SH3GLB1: variants seen among roughly 807,000 people sequenced by gnomAD.
SH3GLB1 encodes the protein endophilin-B1.
A neutral mutation model predicts 42.0 loss-of-function variants in SH3GLB1; 17 were observed. The ratio of observed to expected loss-of-function variants is 0.40; its 90% confidence interval spans 0.28 to 0.61. The LOEUF is 0.61. Ranked by LOEUF, SH3GLB1 falls within the 20% of genes least tolerant of loss-of-function variation. The pLI is 0.36. For missense variants in SH3GLB1, 355 were observed against 426.3 expected (o/e 0.83, Z 1.47); for synonymous variants, 132 against 146.6 (o/e 0.90, Z 0.72).
At chr1:86,734,792 A>T in intron 6 of SH3GLB1, 101 bp downstream of exon 6, 1 of 778,386 alleles carries the variant, frequency 1.3e-6, no homozygotes, top group Non-Finnish European at 2.1e-6. Flanking sequence ...TCATCAAGGA[A>T]ATTTAAATTG....
intron 5 of SH3GLB1, among the ~76,000 whole-genome samples, chr1:86,724,892 A>AAAAAAAAATATATATATATATATATAT (rs1291454820): frequency 7.0e-5 from 7 of 99,660 alleles, no homozygotes; most frequent in South Asian, 3.0e-4. Flanking sequence ...AAAAAAAAAA[A>AAAAAAAAATATATATATATATATATAT]ATATATATAT....
intron 7 of SH3GLB1, among the ~76,000 whole-genome samples, chr1:86,737,429 A>C (rs1358766959): frequency 6.6e-6 from 1 of 152,248 alleles, no homozygotes; most frequent in African/African-American, 2.4e-5. Context: ...AGCCATGTGT[A>C]TATACATATT....
intron 4 of SH3GLB1, among the ~76,000 whole-genome samples, chr1:86,724,060 C>G (rs1232034166): frequency 6.6e-6 from 1 of 151,052 alleles, no homozygotes; most frequent in East Asian, 1.9e-4. Flanking sequence ...ACTGATATTC[C>G]TTTGTTTCCA....
At chr1:86,736,376 G>A (rs1233923774) in intron 7 of SH3GLB1, among the ~76,000 whole-genome samples, 1 of 152,120 alleles carries the variant, frequency 6.6e-6, no homozygotes, top group Non-Finnish European at 1.5e-5. Context: ...ATAAAATTGA[G>A]CACGTCCATG....
intron 5 of SH3GLB1, chr1:86,730,504 A>AT (rs547603497): frequency 0.031 from 15,004 of 490,120 alleles, no homozygotes; most frequent in Non-Finnish European, 0.036. Flanking sequence ...GCACAAATGA[A>AT]TTTTTTTTTT....
intron 5 of SH3GLB1, among the ~76,000 whole-genome samples, chr1:86,732,543 G>A (rs1439376985): frequency 6.6e-6 from 1 of 152,138 alleles, no homozygotes; most frequent in African/African-American, 2.4e-5. Context: ...TTGACTGTTT[G>A]AAGCCACCCA....
Position 86,729,998 on chromosome 1 carries a change from C to G in SH3GLB1, c.571-4604C>G, listed in dbSNP as rs1655418493. 1.7e-5 allele frequency: 22 copies of G among 1,271,956 alleles called. No homozygotes were observed. The South Asian group carries it at 3.1e-4, about 18-fold the overall frequency. The allele number at this position is 1,271,956 out of a possible 1,614,324, so 78.8% of individuals were successfully genotyped here. A position where few individuals can be genotyped will look rare whatever the true frequency, so the allele number is the denominator to read the frequency against. On this transcript the variant is annotated intron_variant, in intron 5 of 8. Coordinates refer to ENST00000370558, the MANE Select transcript of SH3GLB1 (RefSeq NM_016009.5). ...TCTGAAAAAGAGTATGCCATTTAAA[C>G]AAATATTTATATTTTTCTATACTAA...
intron 5 of SH3GLB1, chr1:86,729,974 C>A: frequency 9.9e-7 from 1 of 1,011,478 alleles, no homozygotes; most frequent in Non-Finnish European, 1.4e-6. Context: ...AAATATGATT[C>A]TGAAAAAGAG....
In SH3GLB1 at chr1:86,748,058, C is replaced by G. The variant is rs777772508; in HGVS notation, c.*4823C>G. 14 of 152,128 alleles carry G rather than the reference C, an allele frequency of 9.2e-5. No individual in the cohort carries two copies. The highest frequency in any genetic ancestry group is 2.1e-4 in the Non-Finnish European group (14 of 68,022). 9.4% of individuals were successfully genotyped at this position (152,128 alleles called of 1,614,324 possible). On this transcript the variant is annotated 3_prime_UTR_variant, in exon 9 of 9. Transcript: ENST00000370558. ...ACTCAACAATACCATGACTGTCTTG[C>G]TGTGTCAAGTATATTTCTACATCTC...
At position 86,734,540 on chromosome 1, in the gene SH3GLB1, T is replaced by G. The variant is rs547632275; in HGVS notation, c.571-62T>G. 2.8e-4 allele frequency: 333 copies of G among 1,188,910 alleles called. No homozygotes were observed. The African/African-American group carries it at 4.3e-3, about 15-fold the overall frequency. The allele number at this position is 1,188,910 out of a possible 1,614,324, so 73.6% of individuals were successfully genotyped here. ...GGGGATTTTTTTTAACCATCTAAAA[T>G]AAATGTATATAAGATGGACTGAGTC... On this transcript the variant is annotated intron_variant, in intron 5 of 8. Coordinates refer to ENST00000370558, the MANE Select transcript of SH3GLB1 (RefSeq NM_016009.5).
At chr1:86,717,522 C>T (rs538728450) in intron 2 of SH3GLB1, among the ~76,000 whole-genome samples, 5 of 151,988 alleles carry the variant, frequency 3.3e-5, no homozygotes, top group African/African-American at 1.2e-4. Flanking sequence ...TGGGTTCAAG[C>T]GATTTTCCTG....
intron 7 of SH3GLB1, among the ~76,000 whole-genome samples, chr1:86,738,129 T>C (rs550534306): frequency 6.6e-6 from 1 of 152,308 alleles, no homozygotes; most frequent in South Asian, 2.1e-4. Flanking sequence ...TTCAAACTTA[T>C]TGCAATAATG....
Position 86,745,391 on chromosome 1 carries a change from A to G in SH3GLB1, c.*2156A>G, listed in dbSNP as rs1344991526. 2 of 152,154 alleles carry G rather than the reference A, an allele frequency of 1.3e-5. No homozygotes were observed. Among genetic ancestry groups the G allele is most frequent in the African/African-American group, 2.4e-5 (1 of 41,432 alleles). 9.4% of individuals were successfully genotyped at this position (152,154 alleles called of 1,614,324 possible). On this transcript the variant is annotated 3_prime_UTR_variant, in exon 9 of 9. Coordinates refer to ENST00000370558, the MANE Select transcript of SH3GLB1 (RefSeq NM_016009.5). ...GCCCCTGTAGCATCCTGACCTACCAAGTCTATAGGCCTTGCATATCACTGT... is the reference window on the plus strand; with the variant it reads ...GCCCCTGTAGCATCCTGACCTACCAGGTCTATAGGCCTTGCATATCACTGT...
At chr1:86,731,508 G>C (rs961742606) in intron 5 of SH3GLB1, among the ~76,000 whole-genome samples, 3 of 151,958 alleles carry the variant, frequency 2.0e-5, no homozygotes, top group Non-Finnish European at 4.4e-5. Flanking sequence ...ATTTCTCTCT[G>C]AACTTCTAGC....
At chr1:86,708,266 A>C (rs1243820767) in intron 1 of SH3GLB1, among the ~76,000 whole-genome samples, 1 of 152,210 alleles carries the variant, frequency 6.6e-6, no homozygotes, top group Non-Finnish European at 1.5e-5. Flanking sequence ...ATGCCAAAGT[A>C]CCAAGTTTCA....
At chr1:86,717,641 C>T (rs943691996) in intron 2 of SH3GLB1, among the ~76,000 whole-genome samples, 3 of 152,030 alleles carry the variant, frequency 2.0e-5, no homozygotes, top group Admixed American at 6.6e-5. Context: ...AGGCTGGTCT[C>T]GAACTCCCGA....
chr1:86,744,008 T>A lies in SH3GLB1; in HGVS notation c.*773T>A, dbSNP rs1656183712. 1 of 152,564 alleles carries A rather than the reference T, an allele frequency of 6.6e-6. No individual in the cohort carries two copies. The highest frequency in any genetic ancestry group is 1.5e-5 in the Non-Finnish European group (1 of 68,034). 9.5% of individuals were successfully genotyped at this position (152,564 alleles called of 1,614,324 possible). ...AATTTAATGCATAATTGGGATTGGA[T>A]CCATTTACTGTACTGTGGTACAGTA... On this transcript the variant is annotated 3_prime_UTR_variant, in exon 9 of 9. Transcript: ENST00000370558.
chr1:86,706,549 A>G (rs543902446), intron 1 of SH3GLB1, among the ~76,000 whole-genome samples: 1 of 152,342 alleles, frequency 6.6e-6, no homozygotes, highest in Admixed American at 6.5e-5. Flanking sequence ...AATAGTTCAA[A>G]GACAAGGTGC....
intron 1 of SH3GLB1, among the ~76,000 whole-genome samples, chr1:86,713,703 C>A (rs972126879): frequency 1.3e-5 from 2 of 152,152 alleles, no homozygotes; most frequent in South Asian, 2.1e-4. Context: ...ATCCCTCCCC[C>A]ACTGAAGCCT....
Sources: gnomAD v4.1 joint callset for allele counts (sites outside exome capture counted in the v4.1 genomes callset) on GRCh38, gnomAD v4.1.1 for gene constraint, MANE v1.5 for transcripts, NCBI Gene and HGNC (gene_info 2026-07-23, HGNC 2026-07-21) for gene names.